Variants in ZNF638 observed in about 807,000 individuals in gnomAD.
ZNF638 encodes the protein zinc finger protein 638.
ZNF638 carries 46 observed loss-of-function variants against 195.6 expected under a neutral mutation model. The ratio of observed to expected loss-of-function variants is 0.24; its 90% CI spans 0.19 to 0.30. ZNF638 has a LOEUF of 0.30. Among genes scored for constraint, ZNF638 ranks in the 10% least tolerant of loss-of-function variants. ZNF638 has a pLI of 1.00. For synonymous variants in ZNF638, 845 were observed against 772.0 expected, an observed-to-expected ratio of 1.09 and a Z score of -1.57; for missense variants, 2,440 against 2,325.3, an observed-to-expected ratio of 1.05 and a Z score of -1.01.
intron 10 of ZNF638, chr2:71,388,362 C>G (rs961363920): frequency 3.9e-5 from 23 of 584,822 alleles, no homozygotes; most frequent in African/African-American, 3.7e-4. Flanking sequence ...GATCATCTGA[C>G]CTTTGATCAT....
In ZNF638 at chr2:71,349,623, A is replaced by C. The variant is rs1159032743; in HGVS notation, c.669A>C (p.Pro223=). The change falls in exon 2 of 28, where the codon CCA becomes CCC. Residue 223 remains proline (P), a synonymous_variant. Coordinates refer to ENST00000264447, the MANE Select transcript of ZNF638 (RefSeq NM_014497.5). The stretch of plus-strand genomic sequence containing the variant: ...GCAAATATGGCTACACAGAAGATCC[A>C]CTTGAAGTACGTATTTATGATCCTG... ...HASKYGYTED[P]LEVRIYDPEI... The C allele has an allele frequency of 1.1e-5, 17 of 1,614,110 alleles. No homozygotes were observed. Among genetic ancestry groups the C allele is most frequent in the Non-Finnish European group, 1.4e-5 (17 of 1,180,040 alleles).
chr2:71,424,139 C>T (rs1573167579), intron 22 of ZNF638, 101 bp downstream of exon 22: 1 of 1,437,044 alleles, frequency 7.0e-7, no homozygotes, highest in Non-Finnish European at 9.2e-7. Flanking sequence ...ATACTTTCAT[C>T]TCCTCACTCT....
chr2:71,388,768 T>G, intron 10 of ZNF638: 1 of 967,552 alleles, frequency 1.0e-6, no homozygotes, highest in Non-Finnish European at 1.6e-6. Flanking sequence ...TCAGGGGAAT[T>G]CTCAGACTAG....
intron 1 of ZNF638, among the ~76,000 whole-genome samples, chr2:71,345,540 A>G (rs935719087): frequency 1.1e-4 from 17 of 152,020 alleles, no homozygotes; most frequent in African/African-American, 3.9e-4. Flanking sequence ...GAAAAAACCA[A>G]CATGCTTGGT....
At position 71,375,561 on chromosome 2, in the gene ZNF638, C is replaced by G. The variant is rs572605948; in HGVS notation, c.2266-4661C>G. ...CAGCATTTGCCTGCATTTGATTTAC[C>G]AGAACTACCAGACACATGGCCATCT... On this transcript the variant is annotated intron_variant, in intron 8 of 27. Coordinates refer to ENST00000264447, the MANE Select transcript of ZNF638 (RefSeq NM_014497.5). The G allele has an allele frequency of 1.3e-3, 199 of 152,012 alleles. 1 individual carries two copies. Among genetic ancestry groups the G allele is most frequent in the African/African-American group, 4.8e-3 (198 of 41,438 alleles). The allele number at this position is 152,012 out of a possible 1,614,324, so 9.4% of individuals were successfully genotyped here.
chr2:71,434,683 T>G lies in ZNF638; in HGVS notation c.5872-59T>G. 5 of 1,435,456 alleles carry G rather than the reference T, an allele frequency of 3.5e-6. No individual in the cohort carries two copies. The East Asian group carries it at 9.2e-5, about 26-fold the overall frequency. 88.9% of individuals were successfully genotyped at this position (1,435,456 alleles called of 1,614,324 possible). ...ATTATAAATATACAGTAGATAAGTT[T>G]GCACACATAGCAAAATAACGTCTAA... On this transcript the variant is annotated intron_variant, in intron 27 of 27. Transcript: ENST00000264447.
At chr2:71,368,648 A>G in intron 7 of ZNF638, 120 bp downstream of exon 7, 1 of 1,101,382 alleles carries the variant, frequency 9.1e-7, no homozygotes, top group Non-Finnish European at 1.3e-6. Context: ...TGAGAGTTAT[A>G]TAAATGTCTG....
At chr2:71,359,074 C>T (rs974941651) in intron 3 of ZNF638, among the ~76,000 whole-genome samples, 7 of 152,040 alleles carry the variant, frequency 4.6e-5, no homozygotes, top group African/African-American at 9.7e-5. Context: ...TTATGTGACT[C>T]GCTTAGTGTG....
At chr2:71,388,713 C>G (rs1228245829) in intron 10 of ZNF638, 1 of 1,188,450 alleles carries the variant, frequency 8.4e-7, no homozygotes, top group Non-Finnish European at 1.3e-6. Context: ...GGCGAAGAGA[C>G]TGTGCAGTCA....
intron 1 of ZNF638, among the ~76,000 whole-genome samples, chr2:71,343,966 TA>T: frequency 7.5e-6 from 1 of 133,966 alleles, no homozygotes; most frequent in Non-Finnish European, 1.7e-5. Flanking sequence ...CCGTCTCTAC[TA>T]AAAATAAAAA....
rs1199852094 is a variant in ZNF638, at chr2:71,426,834, T to A, written c.4965T>A (p.Ile1655=). The A allele has an allele frequency of 2.5e-6, 4 of 1,613,500 alleles. No homozygotes were observed. In the African/African-American group the frequency reaches 4.0e-5, roughly 16 times the overall value. ...LDELIDQDDC[I]SHSEPKDVTV... ...AATTAATTGACCAAGATGATTGCAT[T>A]TCCCACAGTGAACCTAAAGATGTTA... Residue 1655 remains isoleucine, a synonymous_variant, in exon 24 of 28, where the codon ATT becomes ATA. Coordinates refer to ENST00000264447, the MANE Select transcript of ZNF638 (RefSeq NM_014497.5).
intron 10 of ZNF638, among the ~76,000 whole-genome samples, chr2:71,383,174 T>G (rs1027832623): frequency 6.6e-6 from 1 of 152,018 alleles, no homozygotes; most frequent in Non-Finnish European, 1.5e-5. Context: ...ATACAAAGAT[T>G]AGCTGTGTGT....
In ZNF638 at chr2:71,380,280, A is replaced by C. The variant is rs771019686; in HGVS notation, c.2324A>C (p.Lys775Thr). The change falls in exon 9 of 28, where the codon AAA (lysine) becomes ACA (threonine). Residue 775 changes from lysine (K) to threonine (T), a missense_variant and splice_region_variant. By Grantham distance (78) the Lys-to-Thr change is moderately conservative (BLOSUM62 -1). Around this residue, in one of 5 missense-constraint regions of ZNF638, gnomAD observed 1,883 missense variants for 1,739.1 expected, o/e 1.08. Transcript: ENST00000264447. ...AAGAAAGTATCTGCATCTACCTTAA[A>C]GTAAGTGACTTTATGATTTCATATG... ...ESKKVSASTL[K>T]RDADASKAVE... 3.8e-6 allele frequency: 6 copies of C among 1,560,552 alleles called. No homozygotes were observed. In the African/African-American group the frequency reaches 8.3e-5, roughly 22 times the overall value.
chr2:71,399,833 G>A (rs367958183), intron 13 of ZNF638, among the ~76,000 whole-genome samples, 188 bp downstream of exon 13: 4 of 151,934 alleles, frequency 2.6e-5, no homozygotes, highest in Non-Finnish European at 4.4e-5. Context: ...CCTCTCCTTC[G>A]TCCCATCCTC....
At chr2:71,373,514 G>A (rs1340893870) in intron 8 of ZNF638, among the ~76,000 whole-genome samples, 1 of 122,188 alleles carries the variant, frequency 8.2e-6, no homozygotes, top group Non-Finnish European at 1.6e-5. Context: ...GCACCATCTC[G>A]CCTCACTGCA....
intron 1 of ZNF638, among the ~76,000 whole-genome samples, chr2:71,334,974 G>A (rs1442783740): frequency 6.6e-6 from 1 of 151,926 alleles, no homozygotes; most frequent in Non-Finnish European, 1.5e-5. Flanking sequence ...TAAGGGTTTT[G>A]GTTTGAAAAG....
chr2:71,425,252 G>A (rs574841382), intron 23 of ZNF638, among the ~76,000 whole-genome samples: 1 of 152,160 alleles, frequency 6.6e-6, no homozygotes, highest in Non-Finnish European at 1.5e-5. Flanking sequence ...TTCTTACCTG[G>A]TAGGGGATAG....
chr2:71,393,541 A>G (rs1430416081), intron 10 of ZNF638: 2 of 718,004 alleles, frequency 2.8e-6, no homozygotes, highest in Non-Finnish European at 5.2e-6. Flanking sequence ...CCCGGACATT[A>G]CCTGGGGGAT....
At chr2:71,350,620 G>GT (rs2078923955) in intron 2 of ZNF638, among the ~76,000 whole-genome samples, 1 of 152,180 alleles carries the variant, frequency 6.6e-6, no homozygotes, top group African/African-American at 2.4e-5. Context: ...GGATCTGTTA[G>GT]TATAAAAATA....
Sources: allele counts gnomAD v4.1 joint callset (sites outside exome capture counted in the v4.1 genomes callset), GRCh38; gene constraint gnomAD v4.1.1; regional missense constraint gnomAD v4.1.1; transcripts MANE v1.5; gene names NCBI Gene and HGNC (gene_info 2026-07-23, HGNC 2026-07-21).